EXOC4: variants seen among roughly 807,000 people sequenced by gnomAD.
EXOC4 encodes exocyst complex component 4.
Under a neutral mutation model 107.2 loss-of-function variants are expected in EXOC4, and 71 were observed. The ratio of observed to expected loss-of-function variants is 0.66; its 90% CI spans 0.55 to 0.81. EXOC4 has a LOEUF of 0.81. Among genes scored for constraint, EXOC4 ranks in the 30% least tolerant of loss-of-function variants. EXOC4 has a pLI of 0.00. For synonymous variants in EXOC4, 456 were observed against 441.2 expected (o/e 1.03, Z -0.42); for missense variants, 1,108 against 1,189.6 (o/e 0.93, Z 1.01).
chr7:133,405,004 T>A (rs13238007), intron 7 of EXOC4, among the ~76,000 whole-genome samples: 122,584 of 151,446 alleles, frequency 0.81, 49,824 homozygotes, highest in East Asian at 0.95. Context: ...AGCTCATGAG[T>A]TCAAGGCTGC....
intron 9 of EXOC4, among the ~76,000 whole-genome samples, chr7:133,507,490 G>A (rs972196328): frequency 5.9e-5 from 9 of 152,162 alleles, no homozygotes; most frequent in Admixed American, 1.3e-4. Flanking sequence ...AGGTTGTACC[G>A]TTGCAGAATC....
chr7:133,301,106 A>G (rs540307322), intron 3 of EXOC4, among the ~76,000 whole-genome samples: 1 of 152,276 alleles, frequency 6.6e-6, no homozygotes, highest in Admixed American at 6.5e-5. Context: ...TCTTGTGCCC[A>G]CCCAGGACTC....
chr7:133,388,420 T>C (rs1165655291), intron 7 of EXOC4, among the ~76,000 whole-genome samples: 1 of 151,792 alleles, frequency 6.6e-6, no homozygotes, highest in Non-Finnish European at 1.5e-5. Context: ...GAGGCCGGGG[T>C]GGGCAGATCA....
chr7:133,775,021 C>A (rs1248891694), intron 10 of EXOC4, among the ~76,000 whole-genome samples: 4 of 152,240 alleles, frequency 2.6e-5, no homozygotes, highest in African/African-American at 9.6e-5. Flanking sequence ...ACTGTCTTTA[C>A]CCCTGGGACT....
intron 9 of EXOC4, among the ~76,000 whole-genome samples, chr7:133,527,274 G>C (rs989421653): frequency 6.7e-6 from 1 of 149,754 alleles, no homozygotes; most frequent in East Asian, 2.0e-4. Flanking sequence ...CATGGTGATG[G>C]GTGCCTGTAA....
intron 7 of EXOC4, among the ~76,000 whole-genome samples, chr7:133,464,819 T>TTTG (rs1798686153): frequency 2.6e-5 from 3 of 117,620 alleles, no homozygotes; most frequent in Admixed American, 8.9e-5. Context: ...TGGTTTTTTT[T>TTTG]TTTTTTTTTT....
chr7:133,447,141 A>G (rs187880859), intron 7 of EXOC4, among the ~76,000 whole-genome samples: 1 of 152,318 alleles, frequency 6.6e-6, no homozygotes, highest in Non-Finnish European at 1.5e-5. Context: ...ACAGTTCATC[A>G]TTTTATAGTC....
chr7:133,817,338 A>C lies in EXOC4; in HGVS notation c.1528A>C (p.Ile510Leu), dbSNP rs1797396004. The change falls in exon 11 of 18, where the codon ATT (isoleucine) becomes CTT (leucine). Residue 510 changes from isoleucine (I) to leucine (L), a missense_variant. Coordinates refer to ENST00000253861, the MANE Select transcript of EXOC4 (RefSeq NM_021807.4). ...FHPLLRFIQEIEHALGLGPAK... is the reference protein window; with the variant it reads ...FHPLLRFIQELEHALGLGPAK... ...TTTGTCCTCCAGATTTATTCAGGAG[A>C]TTGAGCATGCTCTGGGTCTTGGCCC... is the stretch of plus-strand genomic sequence containing the variant. The C allele has an allele frequency of 6.2e-7, 1 of 1,613,162 alleles. No individual in the cohort carries two copies. Among genetic ancestry groups the C allele is most frequent in the Non-Finnish European group, 8.5e-7 (1 of 1,179,370 alleles).
chr7:133,855,353 TTACAGCAGG>T, intron 11 of EXOC4, among the ~76,000 whole-genome samples: 1 of 151,466 alleles, frequency 6.6e-6, no homozygotes, highest in Admixed American at 6.6e-5. Context: ...TACCTCTATA[TTACAGCAGG>T]TACCCTGTCA....
intron 4 of EXOC4, among the ~76,000 whole-genome samples, chr7:133,311,714 T>C (rs1794875223): frequency 6.6e-6 from 1 of 152,308 alleles, no homozygotes; most frequent in East Asian, 1.9e-4. Flanking sequence ...GGATAAACTA[T>C]ACTCTGAGGA....
chr7:133,538,019 C>T (rs936608527), intron 9 of EXOC4, among the ~76,000 whole-genome samples: 3 of 152,028 alleles, frequency 2.0e-5, no homozygotes, highest in Non-Finnish European at 4.4e-5. Context: ...TTTCTTGTGA[C>T]TGACAGGTAT....
intron 10 of EXOC4, among the ~76,000 whole-genome samples, chr7:133,791,176 A>C (rs1358448174): frequency 2.0e-5 from 3 of 152,166 alleles, no homozygotes; most frequent in Non-Finnish European, 4.4e-5. Flanking sequence ...CGGGCAACTG[A>C]TCTCATTCAG....
At chr7:134,080,528 T>C in the EXOC4 span, among the ~76,000 whole-genome samples, 1 of 152,034 alleles carries the variant, frequency 6.6e-6, no homozygotes, top group South Asian at 2.1e-4. Context: ...GGAAGATGGA[T>C]AATGGATTGG....
chr7:133,662,931 T>A (rs561246957), intron 10 of EXOC4, among the ~76,000 whole-genome samples: 2 of 152,200 alleles, frequency 1.3e-5, no homozygotes, highest in African/African-American at 4.8e-5. Context: ...TTCGTTTTTA[T>A]AAGTATGTAT....
intron 2 of EXOC4, among the ~76,000 whole-genome samples, chr7:133,288,680 AG>A (rs1167438732): frequency 1.3e-5 from 2 of 152,166 alleles, no homozygotes; most frequent in African/African-American, 4.8e-5. Flanking sequence ...ATTCACTCAA[AG>A]GTAGGTTGGG....
chr7:133,938,111 A>T (rs1800345906), intron 14 of EXOC4, 42 bp downstream of exon 14: 1 of 1,595,336 alleles, frequency 6.3e-7, no homozygotes, highest in African/African-American at 1.3e-5. Flanking sequence ...CAGTTGAGGA[A>T]CTAGACTGAA....
chr7:133,932,875 A>AG (rs1313066227), intron 13 of EXOC4, among the ~76,000 whole-genome samples: 1 of 151,850 alleles, frequency 6.6e-6, no homozygotes, highest in Non-Finnish European at 1.5e-5. Flanking sequence ...GCTCAGCAAT[A>AG]GGAAGTGGTG....
chr7:133,563,732 A>T (rs1469325129), intron 9 of EXOC4, among the ~76,000 whole-genome samples: 8 of 152,232 alleles, frequency 5.3e-5, no homozygotes, highest in Non-Finnish European at 1.0e-4. Flanking sequence ...CTTAGATTAG[A>T]TGAAGACCTT....
intron 7 of EXOC4, among the ~76,000 whole-genome samples, chr7:133,454,751 AC>A (rs1798425111): frequency 6.6e-6 from 1 of 151,792 alleles, no homozygotes; most frequent in Non-Finnish European, 1.5e-5. Flanking sequence ...ATGTGCCAGG[AC>A]CCCCAGTGGA....
Sources: allele counts gnomAD v4.1 joint callset (sites outside exome capture counted in the v4.1 genomes callset), GRCh38; gene constraint gnomAD v4.1.1; transcripts MANE v1.5; gene names NCBI Gene and HGNC (gene_info 2026-07-23, HGNC 2026-07-21).